Variants in WDR37 observed in about 807,000 individuals in gnomAD.
WDR37 encodes the protein WD repeat domain 37.
Under a neutral mutation model 62.9 loss-of-function variants are expected in WDR37, and 19 were observed. The ratio of observed to expected loss-of-function variants is 0.30; its 90% CI spans 0.21 to 0.44. WDR37 has a LOEUF of 0.44. Ranked by LOEUF, WDR37 falls within the 20% of genes least tolerant of loss-of-function variation. The pLI is 1.00. For synonymous variants in WDR37, 250 were observed against 260.9 expected, an observed-to-expected ratio of 0.96 and a Z score of 0.40; for missense variants, 474 against 657.6, an observed-to-expected ratio of 0.72 and a Z score of 3.05.
intron 11 of WDR37, among the ~76,000 whole-genome samples, chr10:1,119,662 C>T (rs1835510989): frequency 6.6e-6 from 1 of 152,204 alleles, no homozygotes; most frequent in Non-Finnish European, 1.5e-5. Context: ...CACTGCTGAC[C>T]TTATAATATT....
In WDR37 at chr10:1,123,889, T is replaced by A. The variant is rs908517723; in HGVS notation, c.1104-329T>A. The A allele has an allele frequency of 1.3e-5, 3 of 237,346 alleles. No individual in the cohort carries two copies. The South Asian group carries it at 3.4e-4, about 27-fold the overall frequency. 14.7% of individuals were successfully genotyped at this position (237,346 alleles called of 1,614,324 possible). On this transcript the variant is annotated intron_variant, in intron 11 of 13. Coordinates refer to ENST00000263150, the MANE Select transcript of WDR37 (RefSeq NM_014023.4). ...ACAGTTGTTGTTGGAATGGATTTTTTAAATTCTCTGCCATAGACCCAGATG... is the reference window on the plus strand; with the variant it reads ...ACAGTTGTTGTTGGAATGGATTTTTAAAATTCTCTGCCATAGACCCAGATG...
Position 1,077,759 on chromosome 10 carries a change from T to TTA in WDR37, c.139-147_139-146dup, listed in dbSNP as rs1360907860. 8 of 637,466 alleles carry TTA rather than the reference T, an allele frequency of 1.3e-5. No homozygotes were observed. In the African/African-American group the frequency reaches 1.5e-4, roughly 12 times the overall value. 39.5% of individuals were successfully genotyped at this position (637,466 alleles called of 1,614,324 possible). ...GTCTCCTTGGCAGAAATTTGGAACT[T>TTA]TAAACTCTTTAAGCATTTTATATAT... is the stretch of plus-strand genomic sequence containing the variant. On this transcript the variant is annotated intron_variant, in intron 2 of 13. Coordinates refer to ENST00000263150, the MANE Select transcript of WDR37 (RefSeq NM_014023.4).
chr10:1,087,321 C>T (rs942183498), intron 7 of WDR37, among the ~76,000 whole-genome samples: 2 of 152,140 alleles, frequency 1.3e-5, no homozygotes, highest in Non-Finnish European at 2.9e-5. Flanking sequence ...CAGTGCCTGG[C>T]GTGTGTGTGA....
At chr10:1,061,092 A>G (rs1326006853) in intron 1 of WDR37, among the ~76,000 whole-genome samples, 1 of 151,988 alleles carries the variant, frequency 6.6e-6, no homozygotes, top group African/African-American at 2.4e-5. Context: ...GGATTTGGGA[A>G]CTCTGTCTCA....
At chr10:1,126,765 C>T (rs1032279578) in intron 13 of WDR37, among the ~76,000 whole-genome samples, 1 of 152,240 alleles carries the variant, frequency 6.6e-6, no homozygotes, top group African/African-American at 2.4e-5. Context: ...AGCGCAGCAA[C>T]ACCTTTTCTT....
intron 2 of WDR37, among the ~76,000 whole-genome samples, chr10:1,077,170 G>A (rs934721770): frequency 2.0e-5 from 3 of 152,136 alleles, no homozygotes; most frequent in Non-Finnish European, 2.9e-5. Flanking sequence ...GCAGGCTCCT[G>A]TTGACTGGTG....
At chr10:1,062,896 G>T (rs1833417117) in intron 1 of WDR37, among the ~76,000 whole-genome samples, 1 of 152,122 alleles carries the variant, frequency 6.6e-6, no homozygotes, top group Non-Finnish European at 1.5e-5. Flanking sequence ...GACCACTCTG[G>T]TCAATATGGT....
In WDR37 at chr10:1,080,110, A is replaced by G; in HGVS notation, c.331+4A>G. Reference sequence around the variant, plus strand: ...AAGGGCCAACTCAAAACAAAAGGTAAGGTGAATCCCATGAAAGTCTTGTCC... The same window carrying G: ...AAGGGCCAACTCAAAACAAAAGGTAGGGTGAATCCCATGAAAGTCTTGTCC... On this transcript the variant is annotated splice_donor_region_variant and intron_variant, in intron 4 of 13. Transcript: ENST00000263150. 1 of 1,614,000 alleles carries G rather than the reference A, an allele frequency of 6.2e-7. No homozygotes were observed. The highest frequency in any genetic ancestry group is 2.2e-5 in the East Asian group (1 of 44,884).
chr10:1,080,901 G>T (rs1464995443), intron 5 of WDR37, among the ~76,000 whole-genome samples: 1 of 147,472 alleles, frequency 6.8e-6, no homozygotes, highest in Non-Finnish European at 1.5e-5. Flanking sequence ...GCGAGATTCC[G>T]ACTCCAAAAA....
At position 1,130,794 on chromosome 10, in the gene WDR37, T is replaced by TA. The variant is rs1456787663; in HGVS notation, c.*1450_*1451insA. 2 of 152,040 alleles carry TA rather than the reference T, an allele frequency of 1.3e-5. No homozygotes were observed. Among genetic ancestry groups the TA allele is most frequent in the East Asian group, 3.9e-4 (2 of 5,190 alleles). The allele number at this position is 152,040 out of a possible 1,614,324, so 9.4% of individuals were successfully genotyped here. Reference sequence around the variant, plus strand: ...TGCAGGTGCAGTAGGACGTGGGACTTTTGGACCCGTCCTTTGGTGCAGCTC... The same window carrying TA: ...TGCAGGTGCAGTAGGACGTGGGACTTATTGGACCCGTCCTTTGGTGCAGCTC... On this transcript the variant is annotated 3_prime_UTR_variant, in exon 14 of 14. Transcript: ENST00000263150.
At chr10:1,087,797 C>T (rs1191826661) in intron 7 of WDR37, among the ~76,000 whole-genome samples, 1 of 152,226 alleles carries the variant, frequency 6.6e-6, no homozygotes, top group African/African-American at 2.4e-5. Flanking sequence ...CCGCATTCGC[C>T]CCTAACAAGA....
intron 1 of WDR37, among the ~76,000 whole-genome samples, chr10:1,059,180 A>T (rs1442305388): frequency 6.6e-6 from 1 of 151,308 alleles, no homozygotes; most frequent in East Asian, 2.0e-4. Context: ...GTCCAAGACC[A>T]CCCTGGCCAA....
At chr10:1,117,701 G>T (rs530145657) in intron 11 of WDR37, among the ~76,000 whole-genome samples, 4 of 152,354 alleles carry the variant, frequency 2.6e-5, no homozygotes, top group East Asian at 1.9e-4. Context: ...AGCATGATAC[G>T]CAGAGCGGGC....
At chr10:1,109,141 C>G (rs948833014) in intron 11 of WDR37, among the ~76,000 whole-genome samples, 9 of 152,104 alleles carry the variant, frequency 5.9e-5, no homozygotes, top group South Asian at 2.1e-4. Context: ...CATGAGGAGG[C>G]CAGGTGGTTT....
intron 1 of WDR37, among the ~76,000 whole-genome samples, chr10:1,059,396 G>T (rs371803056): frequency 6.6e-6 from 1 of 152,048 alleles, no homozygotes; most frequent in Admixed American, 6.6e-5. Context: ...AGAATTTGTC[G>T]TATTGCTGTT....
rs1835911305 is a variant in WDR37, at chr10:1,129,555, A to G, written c.*211A>G. 1 of 646,000 alleles carries G rather than the reference A, an allele frequency of 1.5e-6. No homozygotes were observed. 40.0% of individuals were successfully genotyped at this position (646,000 alleles called of 1,614,324 possible). On this transcript the variant is annotated 3_prime_UTR_variant, in exon 14 of 14. Coordinates refer to ENST00000263150, the MANE Select transcript of WDR37 (RefSeq NM_014023.4). ...ACTTTTGTCTTGTATATGTATGTAT[A>G]TTGGGTCCTCTGGGCAGTAGAGGCA...
Position 1,072,206 on chromosome 10 carries a change from G to A in WDR37, c.51G>A (p.Lys17=), listed in dbSNP as rs2131615377. The A allele has an allele frequency of 6.2e-7, 1 of 1,614,210 alleles. No homozygotes were observed. The highest frequency in any genetic ancestry group is 8.5e-7 in the Non-Finnish European group (1 of 1,180,034). The part of the protein sequence containing the change: ...SCSTARQTKQ[K]RKSHSLSIRR... Reference sequence around the variant, plus strand: ...CGACTGCTCGCCAAACAAAACAGAAGCGCAAATCCCATAGCCTTTCTATAC... The same window carrying A: ...CGACTGCTCGCCAAACAAAACAGAAACGCAAATCCCATAGCCTTTCTATAC... Residue 17 remains lysine (K), a synonymous_variant, in exon 2 of 14, where the codon AAG becomes AAA. Transcript: ENST00000263150.
At chr10:1,100,060 T>G (rs1834740853) in intron 9 of WDR37, among the ~76,000 whole-genome samples, 1 of 152,246 alleles carries the variant, frequency 6.6e-6, no homozygotes, top group Non-Finnish European at 1.5e-5. Flanking sequence ...AGAAAAACAC[T>G]AATTTTGTGA....
Position 1,084,393 on chromosome 10 carries a change from T to A in WDR37, c.397-10T>A, listed in dbSNP as rs762765539. 18 of 1,604,492 alleles carry A rather than the reference T, an allele frequency of 1.1e-5. No individual in the cohort carries two copies. In the South Asian group the frequency reaches 2.0e-4, roughly 18 times the overall value. On this transcript the variant is annotated splice_polypyrimidine_tract_variant and intron_variant, in intron 5 of 13. Transcript: ENST00000263150. Reference sequence around the variant, plus strand: ...AAATTGTTTCACAAGACTCCCCATCTTGGTTTCAGATTGTCTCCAGCTTTA... The same window carrying A: ...AAATTGTTTCACAAGACTCCCCATCATGGTTTCAGATTGTCTCCAGCTTTA...
Sources: allele counts gnomAD v4.1 joint callset (sites outside exome capture counted in the v4.1 genomes callset), GRCh38; gene constraint gnomAD v4.1.1; transcripts MANE v1.5; gene names NCBI Gene and HGNC (gene_info 2026-07-23, HGNC 2026-07-21).